TNR: variants seen among roughly 807,000 people sequenced by gnomAD.
TNR encodes the protein tenascin-R.
TNR carries 45 observed loss-of-function variants against 150.4 expected under a neutral mutation model. The ratio of observed to expected loss-of-function variants is 0.30; its 90% CI spans 0.24 to 0.38. The LOEUF is 0.38. Among genes scored for constraint, TNR ranks in the 10% least tolerant of loss-of-function variants. TNR has a pLI of 1.00. For synonymous variants in TNR, 687 were observed against 678.4 expected (o/e 1.01, Z -0.20); for missense variants, 1,544 against 1,759.1 (o/e 0.88, Z 2.19).
In TNR at chr1:175,337,657, G is replaced by A; in HGVS notation, c.3405C>T (p.Pro1135=). Residue 1135 remains proline (P), a synonymous_variant, in exon 19 of 23, where the codon CCC becomes CCT. Coordinates refer to ENST00000367674, the MANE Select transcript of TNR (RefSeq NM_003285.3). ...TCATCAAATGCTGGGCACAGTCTTGGGGATGAGGGAACACCCGGCCTCCTG... is the reference window on the plus strand; with the variant it reads ...TCATCAAATGCTGGGCACAGTCTTGAGGATGAGGGAACACCCGGCCTCCTG... ...FTTGGRVFPH[P]QDCAQHLMNG... The A allele has an allele frequency of 1.9e-6, 3 of 1,614,178 alleles. No individual in the cohort carries two copies. Among genetic ancestry groups the A allele is most frequent in the African/African-American group, 2.7e-5 (2 of 75,058 alleles).
chr1:175,541,736 G>C (rs1276873221), intron 1 of TNR, among the ~76,000 whole-genome samples: 1 of 152,166 alleles, frequency 6.6e-6, no homozygotes, highest in South Asian at 2.1e-4. Flanking sequence ...GCCAGGTGTG[G>C]AGAAAAGCAT....
At chr1:175,553,817 AACACACACACACAC>A (rs58714689) in intron 1 of TNR, among the ~76,000 whole-genome samples, 4 of 145,390 alleles carry the variant, frequency 2.8e-5, no homozygotes, top group Non-Finnish European at 3.0e-5. Flanking sequence ...TACAAGAACA[AACACACACACACAC>A]ACACACACAC....
chr1:175,324,230 C>T (rs1484110135), intron 22 of TNR, 126 bp downstream of exon 22: 2 of 1,108,244 alleles, frequency 1.8e-6, no homozygotes, highest in African/African-American at 3.2e-5. Context: ...TTATTTTTCT[C>T]AAGACTCAAA....
chr1:175,569,444 G>C (rs773120790), intron 1 of TNR, among the ~76,000 whole-genome samples: 3 of 152,152 alleles, frequency 2.0e-5, no homozygotes, highest in Non-Finnish European at 4.4e-5. Context: ...CTGATGCCAG[G>C]CAAGCTGTAT....
intron 1 of TNR, among the ~76,000 whole-genome samples, chr1:175,691,160 C>T (rs1397320510): frequency 6.6e-6 from 1 of 152,188 alleles, no homozygotes; most frequent in Non-Finnish European, 1.5e-5. Flanking sequence ...GTCCTATCCA[C>T]ACCTTAACAC....
At chr1:175,377,342 C>T (rs1041007545) in intron 9 of TNR, among the ~76,000 whole-genome samples, 1 of 152,124 alleles carries the variant, frequency 6.6e-6, no homozygotes, top group African/African-American at 2.4e-5. Context: ...CATGGCGCAT[C>T]CTCCATCTGA....
chr1:175,463,929 T>C (rs1370612317), intron 2 of TNR, among the ~76,000 whole-genome samples: 1 of 152,242 alleles, frequency 6.6e-6, no homozygotes, highest in Non-Finnish European at 1.5e-5. Flanking sequence ...TTTATGTATA[T>C]AAAGCAGAAG....
Position 175,599,767 on chromosome 1 carries a change from A to G in TNR, c.-164-71398T>C, listed in dbSNP as rs1333446241. 2.0e-5 allele frequency among the ~76,000 whole-genome samples: 3 copies of G among 152,198 alleles called. No homozygotes were observed. Among genetic ancestry groups the G allele is most frequent in the Non-Finnish European group, 4.4e-5 (3 of 68,030 alleles). ...CATTGGCGGGTTCCCTGCCACCAAT[A>G]TGCAGTCTCACAACCGTTTTCTGTC... On this transcript the variant is annotated intron_variant, in intron 1 of 22. Coordinates refer to ENST00000367674, the MANE Select transcript of TNR (RefSeq NM_003285.3). The surrounding 1 kb of genome is among the most constrained non-coding windows in gnomAD (Gnocchi z 4.7).
intron 1 of TNR, among the ~76,000 whole-genome samples, chr1:175,662,968 C>T (rs1665422564): frequency 6.6e-6 from 1 of 152,220 alleles, no homozygotes; most frequent in African/African-American, 2.4e-5. Context: ...AAATATTTTT[C>T]TGTGAAATGG....
intron 1 of TNR, among the ~76,000 whole-genome samples, chr1:175,611,565 C>T (rs1290552034): frequency 6.6e-6 from 1 of 152,144 alleles, no homozygotes; most frequent in Non-Finnish European, 1.5e-5. Context: ...AACTCCTGGC[C>T]TCAAGCAATC....
At chr1:175,472,123 G>A (rs996135836) in intron 2 of TNR, among the ~76,000 whole-genome samples, 3 of 152,138 alleles carry the variant, frequency 2.0e-5, no homozygotes, top group African/African-American at 7.2e-5. Context: ...GGATGATGGA[G>A]CAAGACCCTG....
intron 1 of TNR, among the ~76,000 whole-genome samples, chr1:175,639,086 C>A (rs1425355139): frequency 1.3e-5 from 2 of 152,148 alleles, no homozygotes; most frequent in African/African-American, 4.8e-5. Flanking sequence ...CTCCAAGTAA[C>A]CAGCATCTCT....
intron 1 of TNR, among the ~76,000 whole-genome samples, chr1:175,606,063 G>A (rs560309767): frequency 2.0e-5 from 3 of 152,172 alleles, no homozygotes; most frequent in Admixed American, 6.5e-5. Context: ...ATTCTTAAAC[G>A]GACAATAATT....
intron 10 of TNR, among the ~76,000 whole-genome samples, chr1:175,366,892 T>C (rs1651864281): frequency 6.6e-6 from 1 of 152,104 alleles, no homozygotes; most frequent in Non-Finnish European, 1.5e-5. Flanking sequence ...GTCGGGGTGG[T>C]CTAGATAAAA....
intron 1 of TNR, among the ~76,000 whole-genome samples, chr1:175,673,625 C>T (rs979204240): frequency 3.9e-5 from 6 of 152,216 alleles, no homozygotes; most frequent in Admixed American, 6.5e-5. Flanking sequence ...TGAGGATGTG[C>T]GGATGAATGA....
In TNR at chr1:175,406,457, A is replaced by G. The variant is rs943892113; in HGVS notation, c.258T>C (p.Ser86=). 2.5e-6 allele frequency: 4 copies of G among 1,614,066 alleles called. No homozygotes were observed. The highest frequency in any genetic ancestry group is 3.3e-5 in the Admixed American group (2 of 60,000). The stretch of plus-strand genomic sequence containing the variant: ...CTTCTGCACTCACCTCCTGCTCAGC[A>G]GAGGCCTCTAGCCCTGAGGAGCAGA... ...DNLCSSGLEA[S]AEQEVSAEDE... is the part of the protein sequence containing the mutation. The change falls in exon 3 of 23, where the codon TCT becomes TCC. Residue 86 remains serine (S), a synonymous_variant. Coordinates refer to ENST00000367674, the MANE Select transcript of TNR (RefSeq NM_003285.3).
intron 15 of TNR, 94 bp from the exon 16 acceptor site, chr1:175,356,556 C>T (rs1246694297): frequency 1.3e-6 from 2 of 1,490,532 alleles, no homozygotes; most frequent in Admixed American, 2.2e-5. Context: ...GGATTTACTA[C>T]TAGAGAATTT....
intron 2 of TNR, among the ~76,000 whole-genome samples, chr1:175,497,201 G>A (rs569219185): frequency 6.6e-6 from 1 of 152,264 alleles, no homozygotes; most frequent in African/African-American, 2.4e-5. Context: ...ATACTTTGCG[G>A]CCAGCCCTCT....
chr1:175,432,459 C>T (rs113688662), intron 2 of TNR, among the ~76,000 whole-genome samples: 57 of 152,300 alleles, frequency 3.7e-4, no homozygotes, highest in African/African-American at 1.3e-3. Context: ...GGATAGAAAA[C>T]GGGCACCCGG....
Sources: gnomAD v4.1 joint callset for allele counts (sites outside exome capture counted in the v4.1 genomes callset) on GRCh38, gnomAD v4.1.1 for gene constraint, Gnocchi (gnomAD v3.1) non-coding constraint, MANE v1.5 for transcripts, NCBI Gene and HGNC (gene_info 2026-07-23, HGNC 2026-07-21) for gene names.